The following BPTF variants were observed in gnomAD, a reference collection of about 807,000 sequenced individuals.
BPTF encodes the protein nucleosome-remodeling factor subunit BPTF.
A neutral mutation model predicts 292.5 loss-of-function variants in BPTF; 18 were observed. The ratio of observed to expected loss-of-function variants is 0.06; its 90% CI spans 0.04 to 0.09. The LOEUF is 0.09. Among genes scored for constraint, BPTF ranks in the 10% least tolerant of loss-of-function variants. BPTF has a pLI of 1.00. For missense variants in BPTF, 2,726 were observed against 3,498.7 expected (o/e 0.78, Z 5.57); for synonymous variants, 1,225 against 1,251.9 (o/e 0.98, Z 0.45).
intron 1 of BPTF, among the ~76,000 whole-genome samples, chr17:67,844,062 G>C (rs1272809760): frequency 7.2e-6 from 1 of 139,194 alleles, no homozygotes; most frequent in African/African-American, 2.9e-5. Context: ...ACCGTGCCCG[G>C]CCCCCGCCTT....
chr17:67,932,072 A>G, intron 18 of BPTF, 53 bp downstream of exon 18: 1 of 1,463,800 alleles, frequency 6.8e-7, no homozygotes, highest in Non-Finnish European at 9.6e-7. Context: ...AGTCTAGGAA[A>G]TACGTAATTC....
chr17:67,874,781 T>A (rs773906752), intron 3 of BPTF, 36 bp from the exon 4 acceptor site: 36 of 1,418,174 alleles, frequency 2.5e-5, no homozygotes, highest in Non-Finnish European at 3.2e-5. Flanking sequence ...TGGTTATATA[T>A]AGGAATAATT....
chr17:67,829,092 ATT>A (rs1275659156), intron 1 of BPTF, among the ~76,000 whole-genome samples: 1 of 148,338 alleles, frequency 6.7e-6, no homozygotes, highest in African/African-American at 2.4e-5. Flanking sequence ...AATTGGTCTA[ATT>A]GTTTTTTGTT....
intron 23 of BPTF, among the ~76,000 whole-genome samples, chr17:67,948,658 G>A (rs527611931): frequency 1.1e-4 from 17 of 152,148 alleles, no homozygotes; most frequent in Non-Finnish European, 2.1e-4. Flanking sequence ...GTGAAGTAAC[G>A]TTGAAAGAAT....
chr17:67,977,687 C>T (rs1386076289), intron 27 of BPTF: 1 of 149,886 alleles, frequency 6.7e-6, no homozygotes, highest in East Asian at 2.0e-4. Context: ...ACTAAAAATA[C>T]AAAAAAATTA....
chr17:67,897,657 A>G (rs1012237454), intron 7 of BPTF, among the ~76,000 whole-genome samples: 20 of 152,276 alleles, frequency 1.3e-4, no homozygotes, highest in African/African-American at 3.6e-4. Context: ...GTAGGGCAGA[A>G]GCCACACTCT....
chr17:67,963,755 G>A (rs1192541389), intron 24 of BPTF, among the ~76,000 whole-genome samples: 4 of 152,138 alleles, frequency 2.6e-5, no homozygotes, highest in Non-Finnish European at 5.9e-5. Context: ...TCTTCAATAT[G>A]TAACATAGAA....
chr17:67,872,614 G>T (rs138694415), intron 3 of BPTF, among the ~76,000 whole-genome samples: 7,241 of 152,120 alleles, frequency 0.048, 218 homozygotes, highest in South Asian at 0.11. Flanking sequence ...GCTGAGGTGT[G>T]AGAATCGCTT....
Position 67,945,757 on chromosome 17 carries a change from G to C in BPTF, c.7049G>C (p.Arg2350Pro), listed in dbSNP as rs375107621. 2 of 1,614,070 alleles carry C rather than the reference G, an allele frequency of 1.2e-6. No homozygotes were observed. ...CGTGTCCAAAGTCCATCACAGACTC[G>C]AATACGTCCATCAACTCCATCCCAA... ...PVRVQSPSQT[R>P]IRPSTPSQLS... Residue 2350 changes from arginine to proline, a missense_variant, in exon 21 of 28, where the codon CGA becomes CCA. This residue lies in a region of BPTF where 570 missense variants were observed against 633.5 expected (regional missense o/e 0.90). Transcript: ENST00000306378.
chr17:67,940,780 C>A, intron 19 of BPTF, 124 bp downstream of exon 19: 1 of 1,110,102 alleles, frequency 9.0e-7, no homozygotes, highest in Non-Finnish European at 1.3e-6. Flanking sequence ...TGGTTGCTTC[C>A]TGGAGTCAAG....
At chr17:67,938,301 G>A (rs1386488333) in intron 18 of BPTF, among the ~76,000 whole-genome samples, 1 of 152,118 alleles carries the variant, frequency 6.6e-6, no homozygotes, top group East Asian at 1.9e-4. Flanking sequence ...TTCATGTATT[G>A]TTTCTCAAAC....
rs185057843 is a variant in BPTF at position 67,947,999 on chromosome 17, C to T, written c.7701-82C>T. ...CAGTCACAGAAAGTTTTTGTCTCAT[C>T]TGTAGAGGCATAGAAGAATGATGTC... On this transcript the variant is annotated intron_variant, in intron 22 of 27. Coordinates refer to ENST00000306378, the MANE Select transcript of BPTF (RefSeq NM_182641.4). The T allele has an allele frequency of 2.8e-6, 4 of 1,405,578 alleles. No individual in the cohort carries two copies. In the African/African-American group the frequency reaches 4.3e-5, roughly 15 times the overall value. 87.1% of individuals were successfully genotyped at this position (1,405,578 alleles called of 1,614,324 possible).
chr17:67,884,094 C>T (rs894397512), intron 4 of BPTF, among the ~76,000 whole-genome samples: 12 of 151,388 alleles, frequency 7.9e-5, no homozygotes, highest in Middle Eastern at 3.2e-3. Context: ...ATTGTGTATA[C>T]CAGCTTTTAT....
At position 67,932,751 on chromosome 17, in the gene BPTF, A is replaced by G. The variant is rs146274452; in HGVS notation, c.6259+732A>G. On this transcript the variant is annotated intron_variant, in intron 18 of 27. Transcript: ENST00000306378. ...TTAAAGATTTTTTTTTAAACCCTAT[A>G]CATTTATGAGAAATTTAGCTAAAAT... 5.3e-3 allele frequency among the ~76,000 whole-genome samples: 808 copies of G among 152,202 alleles called. 8 individuals are homozygous for G. The highest frequency in any genetic ancestry group is 7.8e-3 in the Non-Finnish European group (528 of 68,004).
chr17:67,891,855 A>G lies in BPTF; in HGVS notation c.1876A>G (p.Lys626Glu). The G allele has an allele frequency of 6.3e-7, 1 of 1,590,220 alleles. No homozygotes were observed. Among genetic ancestry groups the G allele is most frequent in the Non-Finnish European group, 8.6e-7 (1 of 1,169,316 alleles). The change falls in exon 5 of 28, where the codon AAA becomes GAA. Residue 626 changes from lysine to glutamate, a missense_variant. Lys to Glu is a moderately conservative substitution (Grantham distance 56, BLOSUM62 1). This residue lies in a region of BPTF where 187 missense variants were observed against 201.5 expected (regional missense o/e 0.93). Transcript: ENST00000306378. ...TATTCATTTGACAGTAGGTGATTTC[A>G]AATCGGAGAAGTCCAACGGGGAGCT... Reference protein sequence around the residue: ...EQGKSEVGDFKSEKSNGELSE... With the variant: ...EQGKSEVGDFESEKSNGELSE...
Position 67,864,854 on chromosome 17 carries a change from G to C in BPTF, c.1437-1610G>C, listed in dbSNP as rs149932892. Among the ~76,000 whole-genome samples, 331 of 152,104 alleles carry C rather than the reference G, an allele frequency of 2.2e-3. 1 individual carries two copies. Among genetic ancestry groups the C allele is most frequent in the African/African-American group, 7.4e-3 (306 of 41,470 alleles). On this transcript the variant is annotated intron_variant, in intron 2 of 27. Transcript: ENST00000306378. ...GAGTCTCGCTCTGTCACCCAGGCTA[G>C]AGTGAACTGGCGCGAACTCGGCTCA...
At chr17:67,876,271 T>C (rs1009934803) in intron 4 of BPTF, among the ~76,000 whole-genome samples, 2 of 152,358 alleles carry the variant, frequency 1.3e-5, no homozygotes, top group East Asian at 3.9e-4. Flanking sequence ...ATTAAAGTTA[T>C]ACTCCAAGTA....
intron 26 of BPTF, chr17:67,974,944 G>A (rs1170707028): frequency 6.6e-6 from 1 of 152,162 alleles, no homozygotes. Context: ...CCCTTCCGGA[G>A]GTTGGGGGAT....
Position 67,912,564 on chromosome 17 carries a change from C to T in BPTF, c.4680C>T (p.Asp1560=), listed in dbSNP as rs2062724674. The change falls in exon 11 of 28, where the codon GAC becomes GAT. Residue 1560 remains aspartate (D), a synonymous_variant. Coordinates refer to ENST00000306378, the MANE Select transcript of BPTF (RefSeq NM_182641.4). ...AAGAGGAATCTAATCTCAGTAATGA[C>T]TTTATTGATGAAAATGGTCTGCCCA... is the stretch of plus-strand genomic sequence containing the variant. ...TSEEESNLSN[D]FIDENGLPIN... The T allele has an allele frequency of 1.2e-6, 2 of 1,613,562 alleles. No homozygotes were observed. Among genetic ancestry groups the T allele is most frequent in the African/African-American group, 1.3e-5 (1 of 74,894 alleles).
Sources: gnomAD v4.1 joint callset for allele counts (sites outside exome capture counted in the v4.1 genomes callset) on GRCh38, gnomAD v4.1.1 for gene constraint, gnomAD v4.1.1 regional missense constraint, MANE v1.5 for transcripts, NCBI Gene and HGNC (gene_info 2026-07-23, HGNC 2026-07-21) for gene names.